Variants in ROBO2 observed in about 807,000 individuals in gnomAD.
ROBO2 encodes the protein roundabout homolog 2.
Under a neutral mutation model 160.8 loss-of-function variants are expected in ROBO2, and 53 were observed. The observed-to-expected ratio is 0.33, with a 90% CI of 0.26 to 0.41. ROBO2 has a LOEUF of 0.41. ROBO2 is among the 10% of genes least tolerant of loss of function. The pLI, the probability that ROBO2 is intolerant of heterozygous loss-of-function variation, is 1.00. For synonymous variants in ROBO2, 664 were observed against 611.7 expected (o/e 1.09, Z -1.26); for missense variants, 1,577 against 1,722.4 (o/e 0.92, Z 1.49).
intron 2 of ROBO2, among the ~76,000 whole-genome samples, chr3:76,819,272 A>C (rs938558092): frequency 6.6e-6 from 1 of 152,076 alleles, no homozygotes; most frequent in African/African-American, 2.4e-5. Flanking sequence ...GAAGAATGAG[A>C]AGAGTTAGCA....
At chr3:76,251,776 C>A (rs1468010273) in intron 2 of ROBO2, among the ~76,000 whole-genome samples, 2 of 151,952 alleles carry the variant, frequency 1.3e-5, no homozygotes, top group African/African-American at 4.8e-5. Context: ...TCAGTGGATG[C>A]TTCGAAATTT....
rs549222298 is a variant in ROBO2 at position 77,090,108 on chromosome 3, A to C, written c.62-7906A>C. ...CTGGTCCAGCTAAAATGTATCAAGCAATAAAACATTAATGTCAGAATCATC... is the reference window on the plus strand; with the variant it reads ...CTGGTCCAGCTAAAATGTATCAAGCCATAAAACATTAATGTCAGAATCATC... On this transcript the variant is annotated intron_variant, in intron 1 of 25. Coordinates refer to ENST00000461745, the Ensembl canonical transcript of ROBO2. 3.9e-5 allele frequency among the ~76,000 whole-genome samples: 6 copies of C among 152,272 alleles called. No individual in the cohort carries two copies. The South Asian group carries it at 8.3e-4, about 21-fold the overall frequency.
intron 8 of ROBO2, among the ~76,000 whole-genome samples, chr3:77,552,701 G>C (rs1287702855): frequency 1.3e-5 from 2 of 151,960 alleles, no homozygotes; most frequent in African/African-American, 4.8e-5. Flanking sequence ...CTTTTGCAGA[G>C]ACATTGATTA....
chr3:75,937,375 A>G (rs1294556003), intron 1 of ROBO2: 12 of 465,330 alleles, frequency 2.6e-5, no homozygotes, highest in Non-Finnish European at 4.2e-5. Context: ...TAAGCAGGAT[A>G]ATTCAGAAAT....
At chr3:76,588,427 T>C (rs574159568) in intron 2 of ROBO2, among the ~76,000 whole-genome samples, 2 of 152,216 alleles carry the variant, frequency 1.3e-5, no homozygotes, top group Non-Finnish European at 2.9e-5. Context: ...TAAAGACTTC[T>C]AGAGGATGGA....
At chr3:77,219,434 G>GTATATATATATATATATATATA (rs369099644) in intron 2 of ROBO2, among the ~76,000 whole-genome samples, 117 of 115,184 alleles carry the variant, frequency 1.0e-3, no homozygotes, top group Non-Finnish European at 1.4e-3. Context: ...GTATGTGTGT[G>GTATATATATATATATATATATA]TATATATATA....
At chr3:77,587,728 T>A (rs966745494) in intron 16 of ROBO2, among the ~76,000 whole-genome samples, 1 of 152,064 alleles carries the variant, frequency 6.6e-6, no homozygotes, top group African/African-American at 2.4e-5. Context: ...GTGCTATAGC[T>A]AAAACAAGGA....
At chr3:77,381,978 A>G (rs77590665) in intron 2 of ROBO2, among the ~76,000 whole-genome samples, 2 of 152,022 alleles carry the variant, frequency 1.3e-5, no homozygotes, top group Non-Finnish European at 2.9e-5. Context: ...AGGAGAATGC[A>G]TTTTCAATCC....
chr3:77,235,249 T>G (rs1422584703), intron 2 of ROBO2, among the ~76,000 whole-genome samples: 1 of 152,230 alleles, frequency 6.6e-6, no homozygotes, highest in African/African-American at 2.4e-5. Context: ...CTGAACAGCA[T>G]TCAATGCTAT....
At chr3:76,584,154 T>A (rs559822677) in intron 2 of ROBO2, among the ~76,000 whole-genome samples, 108 of 152,184 alleles carry the variant, frequency 7.1e-4, no homozygotes, top group African/African-American at 2.6e-3. Context: ...AGAAAACACA[T>A]CATATCACTC....
chr3:76,453,660 C>T (rs746996733), intron 2 of ROBO2, among the ~76,000 whole-genome samples: 8 of 152,100 alleles, frequency 5.3e-5, no homozygotes, highest in Non-Finnish European at 1.0e-4. Flanking sequence ...TTTTAAAATA[C>T]CATAAATTCA....
intron 2 of ROBO2, among the ~76,000 whole-genome samples, chr3:76,287,947 T>G (rs1708594371): frequency 6.6e-6 from 1 of 152,252 alleles, no homozygotes; most frequent in Admixed American, 6.5e-5. Context: ...ACATTCCATT[T>G]TCCATTTAGG....
intron 2 of ROBO2, among the ~76,000 whole-genome samples, chr3:75,986,216 T>C (rs990495345): frequency 6.6e-6 from 1 of 151,628 alleles, no homozygotes; most frequent in African/African-American, 2.4e-5. Flanking sequence ...TTTCTGTTTT[T>C]TTTTAATAGT....
intron 2 of ROBO2, among the ~76,000 whole-genome samples, chr3:76,862,159 A>G (rs2070852414): frequency 6.6e-6 from 1 of 152,144 alleles, no homozygotes; most frequent in Admixed American, 6.5e-5. Context: ...TCTTCAAGGT[A>G]GAAAGGACTC....
chr3:76,568,490 T>C (rs2084750629), intron 2 of ROBO2, among the ~76,000 whole-genome samples: 1 of 150,346 alleles, frequency 6.7e-6, no homozygotes, highest in South Asian at 2.1e-4. Context: ...GTATTTTTAG[T>C]AGAGACGGGG....
chr3:77,311,984 G>T (rs1413152270), intron 2 of ROBO2, among the ~76,000 whole-genome samples: 1 of 151,980 alleles, frequency 6.6e-6, no homozygotes, highest in African/African-American at 2.4e-5. Flanking sequence ...TACTGGGGAG[G>T]CTGAGGCAGG....
At chr3:76,360,880 A>G (rs1190142866) in intron 2 of ROBO2, among the ~76,000 whole-genome samples, 1 of 152,034 alleles carries the variant, frequency 6.6e-6, no homozygotes, top group Non-Finnish European at 1.5e-5. Context: ...ATTAAAGCCA[A>G]ACTCCACAGA....
intron 2 of ROBO2, among the ~76,000 whole-genome samples, chr3:76,313,084 T>C (rs1197583067): frequency 6.6e-6 from 1 of 152,262 alleles, no homozygotes; most frequent in Non-Finnish European, 1.5e-5. Flanking sequence ...AGTTCAGGAA[T>C]AGGCAATCAT....
At chr3:76,216,304 A>G (rs375643321) in intron 2 of ROBO2, among the ~76,000 whole-genome samples, 6 of 152,202 alleles carry the variant, frequency 3.9e-5, no homozygotes, top group Admixed American at 1.3e-4. Context: ...AAATTCACAC[A>G]TAACAATACT....
Sources: gnomAD v4.1 joint callset for allele counts (sites outside exome capture counted in the v4.1 genomes callset) on GRCh38, gnomAD v4.1.1 for gene constraint, MANE v1.5 for transcripts, NCBI Gene and HGNC (gene_info 2026-07-23, HGNC 2026-07-21) for gene names.